Variants in SPATS2 observed in about 807,000 individuals in gnomAD.
SPATS2 encodes spermatogenesis-associated serine-rich protein 2.
SPATS2 carries 38 observed loss-of-function variants against 63.7 expected under a neutral mutation model. The ratio of observed to expected loss-of-function variants is 0.60; its 90% CI spans 0.46 to 0.78. The LOEUF (loss-of-function observed/expected upper bound fraction) is 0.78, where lower values mean the gene tolerates loss of function less well. SPATS2 is among the 30% of genes least tolerant of loss of function. The pLI, the probability that SPATS2 is intolerant of heterozygous loss-of-function variation, is 0.00. For synonymous variants in SPATS2, 207 were observed against 232.9 expected (o/e 0.89, Z 1.01); for missense variants, 588 against 666.2 (o/e 0.88, Z 1.29).
intron 9 of SPATS2, among the ~76,000 whole-genome samples, chr12:49,510,947 A>G (rs1158394087): frequency 1.3e-5 from 2 of 152,204 alleles, no homozygotes; most frequent in Admixed American, 1.3e-4. Flanking sequence ...GGGTGGGTGC[A>G]GTGGCTCATG....
chr12:49,511,197 G>GAA (rs368216163), intron 9 of SPATS2, among the ~76,000 whole-genome samples: 3 of 127,176 alleles, frequency 2.4e-5, no homozygotes, highest in South Asian at 2.5e-4. Flanking sequence ...TCAAAAAAAA[G>GAA]AAAAAAAAAA....
At chr12:49,389,062 T>G (rs1223779514) in intron 2 of SPATS2, among the ~76,000 whole-genome samples, 1 of 152,126 alleles carries the variant, frequency 6.6e-6, no homozygotes, top group East Asian at 1.9e-4. Context: ...AACATTCTAT[T>G]TCTCTGTTTA....
At chr12:49,448,668 T>C (rs1945560337) in intron 2 of SPATS2, among the ~76,000 whole-genome samples, 1 of 150,622 alleles carries the variant, frequency 6.6e-6, no homozygotes, top group African/African-American at 2.4e-5. Context: ...TGAAACATGA[T>C]TGTGCTGCCG....
chr12:49,411,687 A>C (rs752613942), intron 2 of SPATS2, among the ~76,000 whole-genome samples: 28 of 152,218 alleles, frequency 1.8e-4, no homozygotes, highest in Admixed American at 1.3e-4. Flanking sequence ...GGAAAAAGTG[A>C]AAAAAGGTTA....
At chr12:49,411,564 T>G (rs143348124) in intron 2 of SPATS2, among the ~76,000 whole-genome samples, 1 of 152,186 alleles carries the variant, frequency 6.6e-6, no homozygotes, top group Admixed American at 6.5e-5. Context: ...AAGAATCATA[T>G]CTAAAGCAGA....
intron 2 of SPATS2, among the ~76,000 whole-genome samples, chr12:49,413,161 G>A (rs769522238): frequency 6.6e-6 from 1 of 152,070 alleles, no homozygotes; most frequent in Non-Finnish European, 1.5e-5. Flanking sequence ...CAGCTAAGTG[G>A]TTCTTGCTCA....
chr12:49,401,956 T>C (rs190303153), intron 2 of SPATS2, among the ~76,000 whole-genome samples: 6 of 152,110 alleles, frequency 3.9e-5, no homozygotes, highest in Admixed American at 3.3e-4. Context: ...CCTGGCCTAG[T>C]TTTTGTTTTA....
intron 9 of SPATS2, among the ~76,000 whole-genome samples, chr12:49,509,077 C>T (rs1471769746): frequency 2.0e-5 from 3 of 151,662 alleles, no homozygotes; most frequent in Non-Finnish European, 2.9e-5. Context: ...AAAACTTGAA[C>T]AACATACTCC....
chr12:49,482,475 G>A (rs1210526892), intron 3 of SPATS2, among the ~76,000 whole-genome samples: 1 of 152,188 alleles, frequency 6.6e-6, no homozygotes, highest in Non-Finnish European at 1.5e-5. Flanking sequence ...TTTGGCTCCT[G>A]TAACTGCTTC....
chr12:49,494,459 T>C (rs1451013193), intron 6 of SPATS2, among the ~76,000 whole-genome samples: 1 of 152,222 alleles, frequency 6.6e-6, no homozygotes, highest in Non-Finnish European at 1.5e-5. Context: ...ACATATTTTT[T>C]TCACATTTTG....
intron 10 of SPATS2, among the ~76,000 whole-genome samples, chr12:49,516,366 A>T (rs1592478520): frequency 1.3e-5 from 1 of 75,266 alleles, no homozygotes; most frequent in Admixed American, 1.0e-4. Context: ...TCTTGAAATT[A>T]AAAAAAAAGA....
chr12:49,491,878 T>A (rs1255347798), intron 6 of SPATS2, among the ~76,000 whole-genome samples: 2 of 152,238 alleles, frequency 1.3e-5, no homozygotes, highest in Non-Finnish European at 2.9e-5. Flanking sequence ...GTAACCCCTT[T>A]AGGAAATGCT....
intron 2 of SPATS2, among the ~76,000 whole-genome samples, chr12:49,406,212 C>T (rs561968265): frequency 4.0e-5 from 6 of 151,788 alleles, no homozygotes; most frequent in South Asian, 4.2e-4. Context: ...CATATATGTA[C>T]AGTTGTTTGT....
intron 3 of SPATS2, among the ~76,000 whole-genome samples, chr12:49,482,230 T>C (rs1017489132): frequency 1.3e-5 from 2 of 152,212 alleles, no homozygotes; most frequent in African/African-American, 2.4e-5. Context: ...TCCTGACCTA[T>C]GTAGACCATC....
At chr12:49,395,004 C>A (rs966052138) in intron 2 of SPATS2, among the ~76,000 whole-genome samples, 1 of 151,420 alleles carries the variant, frequency 6.6e-6, no homozygotes, top group Non-Finnish European at 1.5e-5. Flanking sequence ...ACCCAGGAGG[C>A]GGAGGTTGCA....
At chr12:49,451,374 A>G (rs1945620665) in intron 2 of SPATS2, among the ~76,000 whole-genome samples, 1 of 152,158 alleles carries the variant, frequency 6.6e-6, no homozygotes, top group Non-Finnish European at 1.5e-5. Context: ...AACTAAATTA[A>G]TGCTAATTTA....
In SPATS2 at chr12:49,481,264, G is replaced by A. The variant is rs368366613; in HGVS notation, c.26-3326G>A. Among the ~76,000 whole-genome samples the A allele has an allele frequency of 4.7e-4, 72 of 152,220 alleles. No individual in the cohort carries two copies. In the South Asian group the frequency reaches 0.012, roughly 26 times the overall value. On this transcript the variant is annotated intron_variant, in intron 3 of 13. Transcript: ENST00000552918. Reference sequence around the variant, plus strand: ...AATCCCAGCTACTGGGAATGCTGAGGCAGAAGAATGGCTTGAACCCGGGAA... The same window carrying A: ...AATCCCAGCTACTGGGAATGCTGAGACAGAAGAATGGCTTGAACCCGGGAA...
At chr12:49,504,774 T>TC (rs1946629029) in intron 9 of SPATS2, among the ~76,000 whole-genome samples, 5 of 99,924 alleles carry the variant, frequency 5.0e-5, no homozygotes, top group African/African-American at 2.3e-4. Flanking sequence ...TTCTTTCTTT[T>TC]TTTTTTTTTT....
intron 11 of SPATS2, 65 bp downstream of exon 11, chr12:49,519,247 T>C: frequency 7.6e-7 from 1 of 1,313,856 alleles, no homozygotes; most frequent in South Asian, 1.3e-5. Flanking sequence ...GAAATTTTCA[T>C]AATTCATGGC....
Sources: allele counts gnomAD v4.1 joint callset (sites outside exome capture counted in the v4.1 genomes callset), GRCh38; gene constraint gnomAD v4.1.1; transcripts MANE v1.5; gene names NCBI Gene and HGNC (gene_info 2026-07-23, HGNC 2026-07-21).